The following DAPK1 variants were observed in gnomAD, a reference collection of about 807,000 sequenced individuals.
DAPK1 encodes death-associated protein kinase 1.
A neutral mutation model predicts 144.9 loss-of-function variants in DAPK1; 56 were observed. The ratio of observed to expected loss-of-function variants is 0.39; its 90% CI spans 0.31 to 0.48. The LOEUF (loss-of-function observed/expected upper bound fraction) is 0.48. Among genes scored for constraint, DAPK1 ranks in the 20% least tolerant of loss-of-function variants. The probability of loss-of-function intolerance (pLI) is 0.95; values close to 1 mark genes in which losing one functional copy is unlikely to be tolerated. For synonymous variants in DAPK1, 690 were observed against 749.0 expected (o/e 0.92, Z 1.29); for missense variants, 1,454 against 1,875.4 (o/e 0.78, Z 4.15).
chr9:87,697,296 T>TG (rs1424493502), intron 22 of DAPK1, 92 bp downstream of exon 22: 15 of 696,326 alleles, frequency 2.2e-5, no homozygotes, highest in African/African-American at 5.3e-5. Flanking sequence ...CTCCTGCCAC[T>TG]GCTGCTGCTG....
intron 2 of DAPK1, among the ~76,000 whole-genome samples, chr9:87,536,988 CTTT>C (rs531877877): frequency 7.0e-6 from 1 of 142,378 alleles, no homozygotes. Context: ...ATGAAGTTTT[CTTT>C]TTTTTTTTTT....
chr9:87,597,431 C>T (rs1181176730), intron 2 of DAPK1, among the ~76,000 whole-genome samples: 1 of 152,064 alleles, frequency 6.6e-6, no homozygotes, highest in Non-Finnish European at 1.5e-5. Context: ...AGAGACTTAA[C>T]ATTTAGATTT....
At chr9:87,679,105 C>T (rs751284175) in intron 19 of DAPK1, among the ~76,000 whole-genome samples, 52 of 109,158 alleles carry the variant, frequency 4.8e-4, no homozygotes, top group Non-Finnish European at 8.5e-4. Flanking sequence ...GGTGCCCTTG[C>T]GTGGGTCCCT....
At chr9:87,642,117 T>A in intron 10 of DAPK1, 59 bp downstream of exon 10, 1 of 1,395,622 alleles carries the variant, frequency 7.2e-7, no homozygotes, top group Non-Finnish European at 1.0e-6. Flanking sequence ...GAGTAGTGTG[T>A]GGTCAGGGTG....
chr9:87,498,521 G>A (rs1824269565), intron 1 of DAPK1: 3 of 236,216 alleles, frequency 1.3e-5, no homozygotes, highest in Admixed American at 5.6e-5. Flanking sequence ...GGAGAGGCGC[G>A]GGAGCCGAGA....
chr9:87,553,576 A>C (rs1220638538), intron 2 of DAPK1: 4 of 147,008 alleles, frequency 2.7e-5, no homozygotes, highest in Non-Finnish European at 6.0e-5. Flanking sequence ...GCTCACTGCA[A>C]CCTCCACCTC....
intron 3 of DAPK1, among the ~76,000 whole-genome samples, chr9:87,608,210 T>C (rs1385528834): frequency 5.3e-5 from 8 of 152,360 alleles, no homozygotes; most frequent in Middle Eastern, 6.8e-3. Flanking sequence ...ACCATATCAC[T>C]ACTGTTTTGT....
At chr9:87,625,839 C>T (rs140219208) in intron 3 of DAPK1, among the ~76,000 whole-genome samples, 2 of 152,160 alleles carry the variant, frequency 1.3e-5, no homozygotes, top group African/African-American at 2.4e-5. Flanking sequence ...TCACTTTAAG[C>T]AAAGTTAGAA....
Position 87,668,594 on chromosome 9 carries a change from C to T in DAPK1, c.1924-3C>T, listed in dbSNP as rs3750539. 53,281 of 1,344,086 alleles carry T rather than the reference C, an allele frequency of 0.04. 1,438 individuals carry two copies. The highest frequency in any genetic ancestry group is 0.13 in the East Asian group (5,758 of 43,604). 83.3% of individuals were successfully genotyped at this position (1,344,086 alleles called of 1,614,324 possible). On this transcript the variant is annotated splice_region_variant and splice_polypyrimidine_tract_variant and intron_variant, in intron 18 of 25. Transcript: ENST00000408954. ...AAGAAACTAATGCATTTTTCTCCAACAGGACGGAAAGACGGCAGAAGATCT... is the reference window on the plus strand; with the variant it reads ...AAGAAACTAATGCATTTTTCTCCAATAGGACGGAAAGACGGCAGAAGATCT...
chr9:87,534,706 G>A (rs767327142), intron 2 of DAPK1, among the ~76,000 whole-genome samples: 1 of 150,930 alleles, frequency 6.6e-6, no homozygotes, highest in Non-Finnish European at 1.5e-5. Flanking sequence ...GTGTAGTGGC[G>A]CGATCTGGGC....
intron 2 of DAPK1, among the ~76,000 whole-genome samples, chr9:87,499,914 T>C (rs894028958): frequency 2.0e-5 from 3 of 152,238 alleles, no homozygotes; most frequent in African/African-American, 7.2e-5. Flanking sequence ...TGGTCAACTT[T>C]AGTAGAAAAC....
chr9:87,619,158 G>T (rs1829202174), intron 3 of DAPK1, among the ~76,000 whole-genome samples: 1 of 152,104 alleles, frequency 6.6e-6, no homozygotes, highest in African/African-American at 2.4e-5. Flanking sequence ...CAGCTCACAT[G>T]TCACCCTCTC....
At chr9:87,507,306 G>A (rs1824640649) in intron 2 of DAPK1, among the ~76,000 whole-genome samples, 2 of 152,144 alleles carry the variant, frequency 1.3e-5, no homozygotes, top group South Asian at 4.1e-4. Context: ...TCCGCCTCCT[G>A]GGTTCAAGCG....
intron 2 of DAPK1, among the ~76,000 whole-genome samples, chr9:87,503,263 G>GTATA (rs577381433): frequency 6.7e-6 from 1 of 150,074 alleles, no homozygotes; most frequent in African/African-American, 2.4e-5. Context: ...GTGTGTATAT[G>GTATA]TATATATATA....
rs1337224018 is a variant in DAPK1, at chr9:87,681,512, G to C, written c.2110G>C (p.Val704Leu). 4 of 1,612,396 alleles carry C rather than the reference G, an allele frequency of 2.5e-6. No homozygotes were observed. Among genetic ancestry groups the C allele is most frequent in the Non-Finnish European group, 1.7e-6 (2 of 1,178,552 alleles). ...GHSGSGKTTL[V>L]ESLKCGLLRS... Reference sequence around the variant, plus strand: ...CTCGGGATCCGGGAAAACCACCCTTGTAGAATCTCTCAAGTGTGGGCTGCT... The same window carrying C: ...CTCGGGATCCGGGAAAACCACCCTTCTAGAATCTCTCAAGTGTGGGCTGCT... The change falls in exon 20 of 26, where the codon GTA becomes CTA. Residue 704 changes from valine (V) to leucine (L), a missense_variant. Coordinates refer to ENST00000408954, the MANE Select transcript of DAPK1 (RefSeq NM_004938.4).
chr9:87,608,948 A>G (rs1470915100), intron 3 of DAPK1, among the ~76,000 whole-genome samples: 1 of 152,220 alleles, frequency 6.6e-6, no homozygotes. Context: ...AGGATCCCAT[A>G]TATTTGGTCA....
At chr9:87,664,569 G>A (rs182117385) in intron 18 of DAPK1, among the ~76,000 whole-genome samples, 35 of 141,002 alleles carry the variant, frequency 2.5e-4, no homozygotes, top group African/African-American at 1.1e-3. Context: ...ATTTGCCCCT[G>A]TGGGCTGGTA....
At chr9:87,639,288 A>C in intron 4 of DAPK1, 66 bp from the exon 5 acceptor site, 2 of 1,371,884 alleles carry the variant, frequency 1.5e-6, no homozygotes, top group Non-Finnish European at 1.9e-6. Context: ...GAGAAGAACT[A>C]TTCTGCCATC....
intron 3 of DAPK1, among the ~76,000 whole-genome samples, chr9:87,634,934 A>C (rs761089660): frequency 6.6e-6 from 1 of 152,186 alleles, no homozygotes. Flanking sequence ...GGGAAGAAAG[A>C]CAGCAGCATT....
Sources: allele counts gnomAD v4.1 joint callset (sites outside exome capture counted in the v4.1 genomes callset), GRCh38; gene constraint gnomAD v4.1.1; transcripts MANE v1.5; gene names NCBI Gene and HGNC (gene_info 2026-07-23, HGNC 2026-07-21).